MAN1A2: variants seen among roughly 807,000 people sequenced by gnomAD.
MAN1A2 encodes mannosyl-oligosaccharide 1,2-alpha-mannosidase IB.
In MAN1A2, 26 loss-of-function variants were observed where a neutral mutation model predicts 75.7. That is an observed-to-expected ratio of 0.34 (90% CI 0.25 to 0.48). The LOEUF (loss-of-function observed/expected upper bound fraction) is 0.48, where lower values mean the gene tolerates loss of function less well. Among genes scored for constraint, MAN1A2 ranks in the 20% least tolerant of loss-of-function variants. MAN1A2 has a pLI of 0.99. For missense variants in MAN1A2, 562 were observed against 775.5 expected, an observed-to-expected ratio of 0.72 and a Z score of 3.27; for synonymous variants, 247 against 264.6, an observed-to-expected ratio of 0.93 and a Z score of 0.65.
intron 1 of MAN1A2, among the ~76,000 whole-genome samples, chr1:117,381,483 A>G (rs887313131): frequency 3.3e-5 from 5 of 151,948 alleles, no homozygotes; most frequent in East Asian, 1.9e-4. Context: ...ATGATTTCCA[A>G]TTTCATCCAT....
chr1:117,432,343 T>C (rs1648698259), intron 5 of MAN1A2, among the ~76,000 whole-genome samples: 1 of 151,924 alleles, frequency 6.6e-6, no homozygotes, highest in Non-Finnish European at 1.5e-5. Flanking sequence ...GTCGATTCTT[T>C]TAAAGTATCC....
At position 117,436,856 on chromosome 1, in the gene MAN1A2, C is replaced by T. The variant is rs140696857; in HGVS notation, c.856-5375C>T. 1.3e-3 allele frequency among the ~76,000 whole-genome samples: 196 copies of T among 152,260 alleles called. 1 individual carries two copies. The highest frequency in any genetic ancestry group is 4.6e-3 in the African/African-American group (193 of 41,548). On this transcript the variant is annotated intron_variant, in intron 5 of 12. Coordinates refer to ENST00000356554, the MANE Select transcript of MAN1A2 (RefSeq NM_006699.5). Reference sequence around the variant, plus strand: ...AAATAATAAAGCCTTTTATCTCTGACCCAGTAGTCTTGTGTCTTCTGCCAA... The same window carrying T: ...AAATAATAAAGCCTTTTATCTCTGATCCAGTAGTCTTGTGTCTTCTGCCAA...
At chr1:117,414,998 A>C (rs1425091457) in intron 4 of MAN1A2, among the ~76,000 whole-genome samples, 167 bp downstream of exon 4, 2 of 152,046 alleles carry the variant, frequency 1.3e-5, no homozygotes, top group Non-Finnish European at 2.9e-5. Flanking sequence ...TTAGGTCATG[A>C]GGGTTGACCT....
At position 117,502,403 on chromosome 1, in the gene MAN1A2, C is replaced by T. The variant is rs549487857; in HGVS notation, c.1678-452C>T. On this transcript the variant is annotated intron_variant, in intron 11 of 12. Transcript: ENST00000356554. ...GTATTTAGTAAATATTATCTCTTAC[C>T]GCTATTACTATAGAGTGCTCCTAAG... Among the ~76,000 whole-genome samples the T allele has an allele frequency of 8.9e-4, 135 of 151,694 alleles. 1 individual carries two copies. Among genetic ancestry groups the T allele is most frequent in the Non-Finnish European group, 1.4e-3 (93 of 67,742 alleles).
intron 12 of MAN1A2, 109 bp from the exon 13 acceptor site, chr1:117,522,716 C>G: frequency 2.2e-6 from 2 of 918,376 alleles, no homozygotes; most frequent in South Asian, 1.6e-5. Context: ...TGTTTTTCAT[C>G]AAAGCTGCTC....
chr1:117,449,777 G>A (rs530385098), intron 6 of MAN1A2, among the ~76,000 whole-genome samples: 2 of 152,270 alleles, frequency 1.3e-5, no homozygotes, highest in Non-Finnish European at 2.9e-5. Flanking sequence ...AAGTTTGAGT[G>A]GTCTGTGTAG....
At chr1:117,391,773 C>T (rs1231890729) in intron 1 of MAN1A2, among the ~76,000 whole-genome samples, 1 of 152,110 alleles carries the variant, frequency 6.6e-6, no homozygotes, top group East Asian at 1.9e-4. Flanking sequence ...CATACACATT[C>T]ATCTCTTTCT....
At chr1:117,395,909 C>T (rs1016762441) in intron 1 of MAN1A2, among the ~76,000 whole-genome samples, 7 of 152,178 alleles carry the variant, frequency 4.6e-5, no homozygotes, top group Non-Finnish European at 8.8e-5. Context: ...AGATTAAAAT[C>T]AGCCAAGGGA....
At chr1:117,375,592 T>A (rs992334511) in intron 1 of MAN1A2, among the ~76,000 whole-genome samples, 3 of 152,210 alleles carry the variant, frequency 2.0e-5, no homozygotes, top group Non-Finnish European at 4.4e-5. Flanking sequence ...TTAGTCACAA[T>A]CATTTGTTCA....
chr1:117,514,713 T>G (rs1265514203), intron 12 of MAN1A2: 1 of 438,436 alleles, frequency 2.3e-6, no homozygotes, highest in African/African-American at 2.0e-5. Context: ...TAATATATTT[T>G]GGAGAGAGAG....
chr1:117,444,101 G>C (rs946104977), intron 6 of MAN1A2, among the ~76,000 whole-genome samples: 5 of 151,928 alleles, frequency 3.3e-5, no homozygotes, highest in Non-Finnish European at 7.4e-5. Flanking sequence ...CACTTTAATG[G>C]CTTGCTTTTC....
In MAN1A2 at chr1:117,523,115, A is replaced by C; in HGVS notation, c.*158A>C. 1.3e-6 allele frequency: 1 copy of C among 792,746 alleles called. No individual in the cohort carries two copies. The highest frequency in any genetic ancestry group is 2.2e-6 in the Non-Finnish European group (1 of 461,732). The allele number at this position is 792,746 out of a possible 1,614,324, so 49.1% of individuals were successfully genotyped here. A position where few individuals can be genotyped will look rare whatever the true frequency, so the allele number is the denominator to read the frequency against. On this transcript the variant is annotated 3_prime_UTR_variant, in exon 13 of 13. Coordinates refer to ENST00000356554, the MANE Select transcript of MAN1A2 (RefSeq NM_006699.5). ...GACTGTTCAACTTGTAGATACATCA[A>C]CTTTGAAATTATTCCATTTTATACC...
chr1:117,513,370 C>T (rs77950557), intron 12 of MAN1A2, among the ~76,000 whole-genome samples: 277 of 152,094 alleles, frequency 1.8e-3, no homozygotes, highest in African/African-American at 6.5e-3. Context: ...GTTTTTTTTA[C>T]ATAATATTTT....
chr1:117,511,333 T>C (rs577172741), intron 12 of MAN1A2, among the ~76,000 whole-genome samples: 1 of 152,040 alleles, frequency 6.6e-6, no homozygotes, highest in South Asian at 2.1e-4. Context: ...CCATCTGACA[T>C]AGGTGTGTGG....
At chr1:117,451,781 C>G (rs1192747771) in intron 6 of MAN1A2, among the ~76,000 whole-genome samples, 1 of 152,206 alleles carries the variant, frequency 6.6e-6, no homozygotes, top group Admixed American at 6.5e-5. Flanking sequence ...CATTAAACTT[C>G]TTTCTTTTGT....
At chr1:117,455,602 G>A (rs974528460) in intron 6 of MAN1A2, among the ~76,000 whole-genome samples, 2 of 152,024 alleles carry the variant, frequency 1.3e-5, no homozygotes, top group African/African-American at 4.8e-5. Flanking sequence ...TCTTAACTTT[G>A]AAAACATATT....
Position 117,420,580 on chromosome 1 carries a change from G to A in MAN1A2, c.786G>A (p.Val262=), listed in dbSNP as rs1251675827. The A allele has an allele frequency of 1.2e-6, 2 of 1,610,796 alleles. No individual in the cohort carries two copies. The highest frequency in any genetic ancestry group is 2.2e-5 in the South Asian group (2 of 90,990). Residue 262 remains valine (V), a synonymous_variant, in exon 5 of 13, where the codon GTG becomes GTA. Transcript: ENST00000356554. ...TATGTTTTTCACAGAATTCAGAGGT[G>A]TCTGTGTTTGAAGTCAACATTCGAT... is the stretch of plus-strand genomic sequence containing the variant. The part of the protein sequence containing the change: ...DNLDFSVNSE[V]SVFEVNIRFI...
chr1:117,389,236 G>T (rs1448931249), intron 1 of MAN1A2, among the ~76,000 whole-genome samples: 1 of 152,142 alleles, frequency 6.6e-6, no homozygotes, highest in Non-Finnish European at 1.5e-5. Flanking sequence ...TTCAGTTTCT[G>T]ATTTGTTACA....
intron 5 of MAN1A2, among the ~76,000 whole-genome samples, chr1:117,424,500 G>A (rs1648303239): frequency 1.3e-5 from 2 of 152,172 alleles, no homozygotes; most frequent in South Asian, 4.1e-4. Context: ...CTGTGCCCTG[G>A]AACGAAGATA....
Sources: allele counts gnomAD v4.1 joint callset (sites outside exome capture counted in the v4.1 genomes callset), GRCh38; gene constraint gnomAD v4.1.1; transcripts MANE v1.5; gene names NCBI Gene and HGNC (gene_info 2026-07-23, HGNC 2026-07-21).